The following TNFRSF10B variants were observed in gnomAD, a reference collection of about 807,000 sequenced individuals.
TNFRSF10B encodes TNF receptor superfamily member 10b.
A neutral mutation model predicts 41.4 loss-of-function variants in TNFRSF10B; 35 were observed. The observed-to-expected ratio is 0.85, with a 90% confidence interval of 0.65 to 1.12. TNFRSF10B has a LOEUF of 1.12. Among genes scored for constraint, TNFRSF10B ranks in the 50% most tolerant of loss-of-function variants. The pLI, the probability that TNFRSF10B is intolerant of heterozygous loss-of-function variation, is 0.00. For synonymous variants in TNFRSF10B, 230 were observed against 215.5 expected (o/e 1.07, Z -0.59); for missense variants, 584 against 552.7 (o/e 1.06, Z -0.57).
At chr8:23,059,679 T>A (rs1812770687) in intron 1 of TNFRSF10B, among the ~76,000 whole-genome samples, 1 of 115,024 alleles carries the variant, frequency 8.7e-6, no homozygotes, top group South Asian at 3.0e-4. Flanking sequence ...GCTAATTTTT[T>A]TGTATTTTTT....
intron 1 of TNFRSF10B, chr8:23,068,488 TC>T: frequency 1.8e-6 from 1 of 560,266 alleles, no homozygotes; most frequent in Non-Finnish European, 3.1e-6. Context: ...ACTCGGGAAT[TC>T]CCTCCTTGTC....
intron 4 of TNFRSF10B, among the ~76,000 whole-genome samples, chr8:23,029,026 C>T (rs1192612917): frequency 6.6e-6 from 1 of 152,146 alleles, no homozygotes; most frequent in South Asian, 2.1e-4. Flanking sequence ...ACAGCAAATA[C>T]TAGGGGGGCC....
At chr8:23,057,644 C>T (rs1161231331) in intron 1 of TNFRSF10B, among the ~76,000 whole-genome samples, 2 of 151,604 alleles carry the variant, frequency 1.3e-5, no homozygotes, top group Non-Finnish European at 2.9e-5. Context: ...TTTGGCTAAG[C>T]TGGTCTTGAA....
chr8:23,043,142 T>G lies in TNFRSF10B; in HGVS notation c.246A>C (p.Pro82=). 3 of 1,613,970 alleles carry G rather than the reference T, an allele frequency of 1.9e-6. No homozygotes were observed. Among genetic ancestry groups the G allele is most frequent in the Non-Finnish European group, 2.5e-6 (3 of 1,179,924 alleles). ...KRSSPSEGLC[P]PGHHISEDGR... is the part of the protein sequence containing the mutation. ...AGAGACCCATCTTGAACATACCAGG[T>G]GGACACAATCCCTCTGAGGGGCTGG... The change falls in exon 2 of 9, where the codon CCA becomes CCC. Residue 82 remains proline (P), a synonymous_variant. Transcript: ENST00000276431.
At chr8:23,049,686 T>C (rs1485169837) in intron 1 of TNFRSF10B, 1 of 152,238 alleles carries the variant, frequency 6.6e-6, no homozygotes, top group African/African-American at 2.4e-5. Context: ...GGTGATAATT[T>C]CCAGGCCTTC....
chr8:23,023,255 C>T (rs1585204308), intron 8 of TNFRSF10B, among the ~76,000 whole-genome samples: 1 of 152,124 alleles, frequency 6.6e-6, no homozygotes, highest in Non-Finnish European at 1.5e-5. Context: ...TATGGATGGA[C>T]GTTACAGAGG....
chr8:23,062,429 G>T (rs2128821312), intron 1 of TNFRSF10B, among the ~76,000 whole-genome samples: 1 of 152,216 alleles, frequency 6.6e-6, no homozygotes, highest in East Asian at 1.9e-4. Context: ...CCATATCCAG[G>T]CTGGTCTCAA....
At chr8:23,043,980 G>T (rs556453142) in intron 1 of TNFRSF10B, among the ~76,000 whole-genome samples, 2 of 152,346 alleles carry the variant, frequency 1.3e-5, no homozygotes, top group East Asian at 1.9e-4. Context: ...CATCACATAT[G>T]CAGTCTGTTG....
rs1251205289 is a variant in TNFRSF10B, at chr8:23,064,132, T to C, written c.144+4619A>G. On this transcript the variant is annotated intron_variant, in intron 1 of 8. Transcript: ENST00000276431. ...ACAGGAGCTGAGGCACAGCCATCAT[T>C]AACCCCAAAGTCCATGAACTTGCAA... is the stretch of plus-strand genomic sequence containing the variant. Among the ~76,000 whole-genome samples the C allele has an allele frequency of 2.6e-5, 4 of 152,198 alleles. No homozygotes were observed. The East Asian group carries it at 7.7e-4, about 29-fold the overall frequency.
intron 1 of TNFRSF10B, among the ~76,000 whole-genome samples, chr8:23,051,776 C>T (rs908047273): frequency 4.6e-5 from 7 of 152,018 alleles, no homozygotes; most frequent in Non-Finnish European, 7.4e-5. Context: ...ATCTCCTGAC[C>T]TTCTGATCCG....
intron 1 of TNFRSF10B, among the ~76,000 whole-genome samples, chr8:23,047,357 C>CAAAAAAA (rs71206564): frequency 9.2e-6 from 1 of 108,388 alleles, no homozygotes; most frequent in African/African-American, 3.2e-5. Context: ...AATTTCATCT[C>CAAAAAAA]AAAAAAAAAA....
intron 1 of TNFRSF10B, among the ~76,000 whole-genome samples, chr8:23,050,695 G>A (rs1460557749): frequency 1.3e-5 from 2 of 152,202 alleles, no homozygotes; most frequent in Admixed American, 6.5e-5. Context: ...TAAGTGCACT[G>A]TAAAAGCATC....
chr8:23,024,512 T>C (rs956452780), intron 7 of TNFRSF10B, among the ~76,000 whole-genome samples: 1 of 149,904 alleles, frequency 6.7e-6, no homozygotes, highest in Non-Finnish European at 1.5e-5. Context: ...CAAAAGTGAA[T>C]ATGTCTTGAT....
At chr8:23,068,509 C>T in intron 1 of TNFRSF10B, 2 of 592,070 alleles carry the variant, frequency 3.4e-6, no homozygotes, top group East Asian at 3.0e-5. Flanking sequence ...CGCCCTCCCC[C>T]ACTGGATTCG....
At chr8:23,023,474 C>T (rs1291517891) in intron 8 of TNFRSF10B, among the ~76,000 whole-genome samples, 1 of 151,704 alleles carries the variant, frequency 6.6e-6, no homozygotes, top group Non-Finnish European at 1.5e-5. Context: ...TGGGGCAGAG[C>T]TAGGTGGAGG....
intron 7 of TNFRSF10B, among the ~76,000 whole-genome samples, chr8:23,024,555 C>T (rs535401533): frequency 6.6e-6 from 1 of 151,508 alleles, no homozygotes; most frequent in South Asian, 2.1e-4. Context: ...GAGTCTCACT[C>T]CGTCTCCCAG....
intron 1 of TNFRSF10B, among the ~76,000 whole-genome samples, chr8:23,050,690 G>A (rs1812499696): frequency 6.6e-6 from 1 of 152,164 alleles, no homozygotes; most frequent in Admixed American, 6.5e-5. Flanking sequence ...TTGTTTAAGT[G>A]CACTGTAAAA....
At chr8:23,025,663 C>T (rs1811680409) in intron 7 of TNFRSF10B, among the ~76,000 whole-genome samples, 1 of 152,230 alleles carries the variant, frequency 6.6e-6, no homozygotes, top group African/African-American at 2.4e-5. Flanking sequence ...AAGAAATTAT[C>T]CACTGTAGTT....
intron 2 of TNFRSF10B, among the ~76,000 whole-genome samples, chr8:23,032,696 G>GAT (rs1262108332): frequency 6.6e-6 from 1 of 152,148 alleles, no homozygotes; most frequent in African/African-American, 2.4e-5. Flanking sequence ...AGCAATGTTT[G>GAT]ATAGTTTTCA....
Sources: allele counts gnomAD v4.1 joint callset (sites outside exome capture counted in the v4.1 genomes callset), GRCh38; gene constraint gnomAD v4.1.1; transcripts MANE v1.5; gene names NCBI Gene and HGNC (gene_info 2026-07-23, HGNC 2026-07-21).